ANKRD6: variants seen among roughly 807,000 people sequenced by gnomAD.
ANKRD6 encodes ankyrin repeat domain-containing protein 6.
A neutral mutation model predicts 82.3 loss-of-function variants in ANKRD6; 56 were observed. The observed-to-expected ratio is 0.68, with a 90% CI of 0.55 to 0.85. The LOEUF (loss-of-function observed/expected upper bound fraction) is 0.85. Among genes scored for constraint, ANKRD6 ranks in the 40% least tolerant of loss-of-function variants. The pLI is 0.00. For missense variants in ANKRD6, 852 were observed against 907.6 expected (o/e 0.94, Z 0.79); for synonymous variants, 347 against 352.1 (o/e 0.99, Z 0.16).
intron 1 of ANKRD6, among the ~76,000 whole-genome samples, chr6:89,557,637 G>A (rs1000085855): frequency 3.3e-5 from 5 of 152,174 alleles, no homozygotes; most frequent in South Asian, 2.1e-4. Flanking sequence ...CCCCCAGACC[G>A]TGGACCAGTA....
chr6:89,567,794 C>T (rs189195543), intron 2 of ANKRD6, among the ~76,000 whole-genome samples: 48 of 152,300 alleles, frequency 3.2e-4, no homozygotes, highest in Admixed American at 8.5e-4. Flanking sequence ...AGATTCTCTT[C>T]TCATTCCTGT....
At chr6:89,488,274 G>C (rs112627569) in intron 1 of ANKRD6, among the ~76,000 whole-genome samples, 1 of 152,172 alleles carries the variant, frequency 6.6e-6, no homozygotes, top group Non-Finnish European at 1.5e-5. Context: ...AAATTCAAAC[G>C]TGAGCATTTA....
intron 1 of ANKRD6, among the ~76,000 whole-genome samples, chr6:89,438,969 T>C (rs1770995711): frequency 1.3e-5 from 2 of 152,040 alleles, no homozygotes; most frequent in Admixed American, 1.3e-4. Flanking sequence ...AACATATATG[T>C]GTATATGTAT....
chr6:89,613,035 G>A (rs1800615399), intron 6 of ANKRD6, among the ~76,000 whole-genome samples: 1 of 152,200 alleles, frequency 6.6e-6, no homozygotes, highest in African/African-American at 2.4e-5. Flanking sequence ...TCTTAATGCA[G>A]GGGAGAAAAG....
chr6:89,468,081 A>T (rs1428434064), intron 1 of ANKRD6, among the ~76,000 whole-genome samples: 1 of 152,184 alleles, frequency 6.6e-6, no homozygotes, highest in Non-Finnish European at 1.5e-5. Flanking sequence ...TTCCAGAAAG[A>T]AATTAGGCGA....
At chr6:89,624,720 G>A in intron 13 of ANKRD6, 29 bp downstream of exon 13, 9 of 1,594,832 alleles carry the variant, frequency 5.6e-6, no homozygotes, top group Non-Finnish European at 7.7e-6. Context: ...CTTCCTAATT[G>A]CAAGGTGTTC....
At chr6:89,627,793 T>G (rs1806211310) in intron 14 of ANKRD6, 97 bp downstream of exon 14, 2 of 964,116 alleles carry the variant, frequency 2.1e-6, no homozygotes, top group Admixed American at 4.6e-5. Context: ...AGGCTGAGAC[T>G]CCCTAAGAGC....
In ANKRD6 at chr6:89,617,982, G is replaced by T. The variant is rs375720646; in HGVS notation, c.743G>T (p.Arg248Leu). The part of the protein sequence containing the change: ...NAGQTPLETA[R>L]YHNNPEVALL... ...GGCCAGACTCCGCTGGAGACTGCCC[G>T]CTACCACAATAACCCGGAAGTTGCT... The change falls in exon 9 of 16, where the codon CGC becomes CTC. Residue 248 changes from arginine (R) to leucine (L), a missense_variant. Transcript: ENST00000339746. 1.2e-5 allele frequency: 20 copies of T among 1,613,886 alleles called. No homozygotes were observed. Among genetic ancestry groups the T allele is most frequent in the Non-Finnish European group, 1.6e-5 (19 of 1,179,898 alleles).
chr6:89,613,388 G>T (rs1049936424), intron 6 of ANKRD6, among the ~76,000 whole-genome samples: 1 of 152,158 alleles, frequency 6.6e-6, no homozygotes, highest in African/African-American at 2.4e-5. Context: ...GCTGGGAAGG[G>T]CTCATTTCCA....
intron 2 of ANKRD6, among the ~76,000 whole-genome samples, chr6:89,591,396 C>T (rs1431084213): frequency 6.6e-6 from 1 of 152,220 alleles, no homozygotes; most frequent in Non-Finnish European, 1.5e-5. Flanking sequence ...ACCACCTTGC[C>T]TGGCCCAAAC....
intron 2 of ANKRD6, among the ~76,000 whole-genome samples, chr6:89,567,851 TG>T (rs1354028540): frequency 6.6e-6 from 1 of 152,104 alleles, no homozygotes; most frequent in East Asian, 1.9e-4. Flanking sequence ...CGCTGAGTGG[TG>T]GAAATGCAAC....
chr6:89,561,660 A>G (rs1208475513), intron 1 of ANKRD6: 2 of 152,260 alleles, frequency 1.3e-5, no homozygotes, highest in Admixed American at 6.5e-5. Flanking sequence ...TCTTTAAAGT[A>G]CGGATTGAGT....
At chr6:89,544,121 G>A (rs1316224484) in intron 1 of ANKRD6, among the ~76,000 whole-genome samples, 1 of 152,076 alleles carries the variant, frequency 6.6e-6, no homozygotes, top group African/African-American at 2.4e-5. Context: ...ATGGTCTGAT[G>A]GTTGGCTCTT....
At chr6:89,623,299 G>A (rs1804331997) in intron 10 of ANKRD6, 111 bp from the exon 11 acceptor site, 10 of 1,374,290 alleles carry the variant, frequency 7.3e-6, no homozygotes, top group Non-Finnish European at 8.7e-6. Context: ...ATTTGCAAAG[G>A]TTCTCGTGGG....
intron 1 of ANKRD6, among the ~76,000 whole-genome samples, chr6:89,555,089 C>A (rs1009612783): frequency 1.7e-5 from 2 of 117,088 alleles, no homozygotes; most frequent in Non-Finnish European, 3.5e-5. Context: ...TCTCCTCCCT[C>A]CCCCCTCTCT....
intron 1 of ANKRD6, among the ~76,000 whole-genome samples, chr6:89,446,550 T>C (rs998795286): frequency 1.3e-5 from 2 of 151,978 alleles, no homozygotes; most frequent in Non-Finnish European, 2.9e-5. Flanking sequence ...GCTAGCCAAG[T>C]TGTGAATGCA....
chr6:89,613,938 G>A (rs1443929153), intron 7 of ANKRD6, 48 bp downstream of exon 7: 4 of 1,593,936 alleles, frequency 2.5e-6, no homozygotes. Flanking sequence ...TTCCCACAAG[G>A]CTACCGGACA....
At chr6:89,627,505 C>A in intron 13 of ANKRD6, 78 bp from the exon 14 acceptor site, 1 of 1,351,748 alleles carries the variant, frequency 7.4e-7, no homozygotes, top group Non-Finnish European at 1.0e-6. Context: ...GTTCCCCAAG[C>A]CCCTCTGCAG....
intron 1 of ANKRD6, among the ~76,000 whole-genome samples, chr6:89,529,583 T>C (rs1782898846): frequency 6.6e-6 from 1 of 152,254 alleles, no homozygotes; most frequent in African/African-American, 2.4e-5. Flanking sequence ...AACTTTTCCT[T>C]TGCATTCACA....
Sources: allele counts gnomAD v4.1 joint callset (sites outside exome capture counted in the v4.1 genomes callset), GRCh38; gene constraint gnomAD v4.1.1; transcripts MANE v1.5; gene names NCBI Gene and HGNC (gene_info 2026-07-23, HGNC 2026-07-21).